Variants in MANBA observed in about 807,000 individuals in gnomAD.
MANBA encodes the protein beta-mannosidase.
A neutral mutation model predicts 111.1 loss-of-function variants in MANBA; 83 were observed. That is an observed-to-expected ratio of 0.75 (90% CI 0.63 to 0.90). The LOEUF (loss-of-function observed/expected upper bound fraction) is 0.90, where lower values mean the gene tolerates loss of function less well. Ranked by LOEUF, MANBA falls within the 40% of genes least tolerant of loss-of-function variation. The probability of loss-of-function intolerance (pLI) is 0.00; values close to 1 mark genes in which losing one functional copy is unlikely to be tolerated. For missense variants in MANBA, 1,036 were observed against 1,069.0 expected (o/e 0.97, Z 0.43); for synonymous variants, 370 against 378.7 (o/e 0.98, Z 0.27).
rs113599117 is a variant in MANBA at position 102,709,402 on chromosome 4, A to G, written c.673+5036T>C. ...AGGAAGGAAGAAAGAAAGAAAGAAA[A>G]AAAAGAAAGAAAGAAAGAGAAAGAG... On this transcript the variant is annotated intron_variant, in intron 5 of 16. Coordinates refer to ENST00000647097, the MANE Select transcript of MANBA (RefSeq NM_005908.4). Among the ~76,000 whole-genome samples, 12 of 101,562 alleles carry G rather than the reference A, an allele frequency of 1.2e-4. No individual in the cohort carries two copies. In the East Asian group the frequency reaches 1.4e-3, roughly 12 times the overall value. 66.6% of individuals were successfully genotyped at this position (101,562 alleles called of 152,430 possible).
chr4:102,661,119 T>A (rs17033102), intron 11 of MANBA, among the ~76,000 whole-genome samples: 2,456 of 152,284 alleles, frequency 0.016, 65 homozygotes, highest in African/African-American at 0.054. Flanking sequence ...ACATACCACC[T>A]ACTTTCACAT....
At chr4:102,716,334 A>G (rs1260436782) in intron 4 of MANBA, among the ~76,000 whole-genome samples, 1 of 151,100 alleles carries the variant, frequency 6.6e-6, no homozygotes, top group East Asian at 1.9e-4. Flanking sequence ...AAAAAAAAAA[A>G]AGAATGAGGA....
intron 7 of MANBA, among the ~76,000 whole-genome samples, chr4:102,688,123 T>C (rs1732299327): frequency 6.6e-6 from 1 of 152,150 alleles, no homozygotes; most frequent in African/African-American, 2.4e-5. Flanking sequence ...TAAGTTGGAA[T>C]GACTCATTAT....
At chr4:102,636,335 T>C (rs1039435146) in intron 14 of MANBA, among the ~76,000 whole-genome samples, 1 of 152,194 alleles carries the variant, frequency 6.6e-6, no homozygotes, top group Non-Finnish European at 1.5e-5. Context: ...GACTATATGG[T>C]ATAGCCTGTT....
chr4:102,729,717 T>G, intron 1 of MANBA: 1 of 1,524,490 alleles, frequency 6.6e-7, no homozygotes. Context: ...GCCCAGAGTC[T>G]TCAGCTGCTG....
At chr4:102,685,808 C>A (rs565060435) in intron 7 of MANBA, among the ~76,000 whole-genome samples, 1 of 152,200 alleles carries the variant, frequency 6.6e-6, no homozygotes, top group South Asian at 2.1e-4. Flanking sequence ...TCAGTTGCCC[C>A]AATAACATTA....
At position 102,650,610 on chromosome 4, in the gene MANBA, G is replaced by C. The variant is rs1208355029; in HGVS notation, c.1796C>G (p.Ala599Gly). The change falls in exon 13 of 17, where the codon GCT (alanine) becomes GGT (glycine). Residue 599 changes from alanine (A) to glycine (G), a missense_variant. Ala to Gly is a moderately conservative substitution (Grantham distance 60, BLOSUM62 0). Transcript: ENST00000647097. ...TTGGGGGAGTTTGAAATGAAGTCCA[G>C]CCTGATAAAGCATTTGTTTGTTACC... ...EGGNKQMLYQ[A>G]GLHFKLPQST... 1.9e-5 allele frequency: 31 copies of C among 1,613,132 alleles called. No homozygotes were observed. Among genetic ancestry groups the C allele is most frequent in the Admixed American group, 3.3e-5 (2 of 59,980 alleles).
chr4:102,676,676 G>A (rs187267335), intron 7 of MANBA, among the ~76,000 whole-genome samples: 48 of 151,072 alleles, frequency 3.2e-4, no homozygotes, highest in Middle Eastern at 3.4e-3. Context: ...TTATCAGCAC[G>A]ATAAATCATC....
At position 102,635,051 on chromosome 4, in the gene MANBA, G is replaced by A. The variant is rs1729562042; in HGVS notation, c.2158-6C>T. 6.2e-7 allele frequency: 1 copy of A among 1,613,902 alleles called. No homozygotes were observed. Among genetic ancestry groups the A allele is most frequent in the Admixed American group, 1.7e-5 (1 of 60,022 alleles). ...CTCCATGTATGGACTCTCACCTGGG[G>A]AGAAATAAAACAGAATAAAAACAGG... is the stretch of plus-strand genomic sequence containing the variant. On this transcript the variant is annotated splice_polypyrimidine_tract_variant and splice_region_variant and intron_variant, in intron 15 of 16. Coordinates refer to ENST00000647097, the MANE Select transcript of MANBA (RefSeq NM_005908.4).
chr4:102,684,532 A>C (rs1003488262), intron 7 of MANBA, among the ~76,000 whole-genome samples: 1 of 152,238 alleles, frequency 6.6e-6, no homozygotes, highest in East Asian at 1.9e-4. Context: ...TGGAATAGCC[A>C]AAACTGGCAA....
At chr4:102,634,746 C>G (rs1729539000) in intron 16 of MANBA, 42 bp downstream of exon 16, 1 of 1,612,138 alleles carries the variant, frequency 6.2e-7, no homozygotes. Context: ...GAGAACCCCA[C>G]AAGGCCACAG....
intron 7 of MANBA, among the ~76,000 whole-genome samples, chr4:102,684,132 C>T (rs549317708): frequency 2.0e-5 from 3 of 151,794 alleles, no homozygotes; most frequent in South Asian, 4.2e-4. Context: ...ATCCTAAACA[C>T]GTTTCTAAGC....
At chr4:102,716,497 C>T (rs1722339262) in intron 4 of MANBA, among the ~76,000 whole-genome samples, 3 of 152,030 alleles carry the variant, frequency 2.0e-5, no homozygotes. Context: ...GTGGCCAAGG[C>T]AGACATTTTA....
At chr4:102,711,509 T>C (rs1333743347) in intron 5 of MANBA, among the ~76,000 whole-genome samples, 1 of 152,162 alleles carries the variant, frequency 6.6e-6, no homozygotes, top group African/African-American at 2.4e-5. Flanking sequence ...TACACGGTTG[T>C]GGGAATATGA....
intron 7 of MANBA, among the ~76,000 whole-genome samples, chr4:102,688,040 A>C (rs1186856860): frequency 2.0e-5 from 3 of 152,218 alleles, no homozygotes; most frequent in African/African-American, 7.2e-5. Flanking sequence ...ACAATAATAC[A>C]GTCATATTAG....
intron 5 of MANBA, among the ~76,000 whole-genome samples, chr4:102,702,218 T>C (rs932126584): frequency 6.6e-6 from 1 of 151,718 alleles, no homozygotes; most frequent in African/African-American, 2.4e-5. Context: ...CATCAGCTCC[T>C]TTAAGCACTT....
At chr4:102,721,966 G>A (rs1264286003) in intron 4 of MANBA, among the ~76,000 whole-genome samples, 2 of 150,154 alleles carry the variant, frequency 1.3e-5, no homozygotes, top group Non-Finnish European at 2.9e-5. Context: ...GAAGGTGGAG[G>A]CTGCGGTGAG....
At position 102,758,510 on chromosome 4, in the gene MANBA, G is replaced by A. The variant is rs187321957; in HGVS notation, c.177+2208C>T. Among the ~76,000 whole-genome samples, 644 of 151,616 alleles carry A rather than the reference G, an allele frequency of 4.2e-3. 6 individuals carry two copies. Among genetic ancestry groups the A allele is most frequent in the Middle Eastern group, 3.4e-3 (1 of 292 alleles). On this transcript the variant is annotated intron_variant, in intron 1 of 16. Coordinates refer to ENST00000647097, the MANE Select transcript of MANBA (RefSeq NM_005908.4). ...CAACAGTCTCACATTACTGAATAAC[G>A]ATACTGATCTGATGTTGATGATTGC...
At chr4:102,709,128 G>GCAA in intron 5 of MANBA, among the ~76,000 whole-genome samples, 1 of 151,606 alleles carries the variant, frequency 6.6e-6, no homozygotes, top group African/African-American at 2.4e-5. Context: ...ACCAGCCTGG[G>GCAA]CAACATAGCA....
Sources: allele counts gnomAD v4.1 joint callset (sites outside exome capture counted in the v4.1 genomes callset), GRCh38; gene constraint gnomAD v4.1.1; transcripts MANE v1.5; gene names NCBI Gene and HGNC (gene_info 2026-07-23, HGNC 2026-07-21).